The following RGS7 variants were observed in gnomAD, a reference collection of about 807,000 sequenced individuals.
RGS7 encodes the protein regulator of G-protein signaling 7.
In RGS7, 27 loss-of-function variants were observed where a neutral mutation model predicts 81.1. That is an observed-to-expected ratio of 0.33 (90% CI 0.25 to 0.46). The LOEUF (loss-of-function observed/expected upper bound fraction) is 0.46, where lower values mean the gene tolerates loss of function less well. Ranked by LOEUF, RGS7 falls within the 20% of genes least tolerant of loss-of-function variation. The pLI is 1.00. For missense variants in RGS7, 396 were observed against 607.4 expected (o/e 0.65, Z 3.66); for synonymous variants, 208 against 207.7 (o/e 1.00, Z -0.01).
intron 2 of RGS7, among the ~76,000 whole-genome samples, chr1:241,280,031 C>T (rs1238366537): frequency 6.6e-5 from 10 of 152,232 alleles, no homozygotes; most frequent in African/African-American, 1.2e-4. Context: ...AGAATTTACA[C>T]GGTGAAGTTC....
intron 2 of RGS7, among the ~76,000 whole-genome samples, chr1:241,293,191 T>C (rs959730903): frequency 3.9e-5 from 6 of 152,208 alleles, no homozygotes; most frequent in African/African-American, 1.2e-4. Context: ...CATAAAGTTG[T>C]AGCACAATGC....
At position 241,184,086 on chromosome 1, in the gene RGS7, G is replaced by A. The variant is rs529467922; in HGVS notation, c.79-85324C>T. ...CAACTTTGCACCCATCAACAACAGA[G>A]AAAGGAAGCTTATACCAGGAAAAGT... On this transcript the variant is annotated intron_variant, in intron 2 of 18. Coordinates refer to ENST00000440928, the MANE Select transcript of RGS7 (RefSeq NM_001364886.1). 7.0e-4 allele frequency among the ~76,000 whole-genome samples: 106 copies of A among 152,286 alleles called. 3 individuals are homozygous for A. In the South Asian group the frequency reaches 0.022, roughly 31 times the overall value.
At chr1:241,121,710 CTTTTTTTTTTTTTTT>C (rs10681773) in intron 2 of RGS7, among the ~76,000 whole-genome samples, 1 of 66,404 alleles carries the variant, frequency 1.5e-5, no homozygotes, top group East Asian at 5.5e-4. Context: ...TGCAATTGTT[CTTTTTTTTTTTTTTT>C]TTTTTTTTTT....
chr1:241,118,090 T>G (rs1468696303), intron 2 of RGS7, among the ~76,000 whole-genome samples: 2 of 152,256 alleles, frequency 1.3e-5, no homozygotes, highest in Non-Finnish European at 2.9e-5. Flanking sequence ...TGAAGCCTAC[T>G]ATTTTTATTC....
At chr1:240,943,822 G>C (rs887670684) in intron 4 of RGS7, among the ~76,000 whole-genome samples, 1 of 152,140 alleles carries the variant, frequency 6.6e-6, no homozygotes, top group Non-Finnish European at 1.5e-5. Flanking sequence ...GCCTGCTTTA[G>C]AGGAGGACTG....
At chr1:241,053,559 T>C (rs2061349469) in intron 3 of RGS7, among the ~76,000 whole-genome samples, 1 of 152,232 alleles carries the variant, frequency 6.6e-6, no homozygotes, top group Non-Finnish European at 1.5e-5. Flanking sequence ...AGATGGCAAA[T>C]ATATTTAAAT....
At chr1:240,975,911 G>A (rs542817593) in intron 4 of RGS7, among the ~76,000 whole-genome samples, 1 of 134,112 alleles carries the variant, frequency 7.5e-6, no homozygotes, top group South Asian at 2.4e-4. Context: ...TCCTGCGTCT[G>A]TGCATTGTAT....
At chr1:240,943,885 C>A (rs1474478023) in intron 4 of RGS7, among the ~76,000 whole-genome samples, 1 of 151,974 alleles carries the variant, frequency 6.6e-6, no homozygotes, top group Non-Finnish European at 1.5e-5. Flanking sequence ...ACAGAGAGAG[C>A]ACGGGGACAG....
At chr1:241,260,804 G>C (rs936136392) in intron 2 of RGS7, among the ~76,000 whole-genome samples, 15 of 151,728 alleles carry the variant, frequency 9.9e-5, no homozygotes, top group Admixed American at 9.9e-4. Flanking sequence ...GCTAAATCCT[G>C]GGAAGGTGCT....
rs2075048457 is a variant in RGS7 at position 241,222,034 on chromosome 1, G to A, written c.79-123272C>T. ...GACTAATACAATGAATTTCTAGGAAGAACTCTTAAGAATGAAGAAAGAATT... is the reference window on the plus strand; with the variant it reads ...GACTAATACAATGAATTTCTAGGAAAAACTCTTAAGAATGAAGAAAGAATT... On this transcript the variant is annotated intron_variant, in intron 2 of 18. Transcript: ENST00000440928. Among the ~76,000 whole-genome samples, 6 of 152,268 alleles carry A rather than the reference G, an allele frequency of 3.9e-5. 1 individual carries two copies. The South Asian group carries it at 1.2e-3, about 32-fold the overall frequency.
intron 3 of RGS7, among the ~76,000 whole-genome samples, chr1:240,999,310 AC>A (rs1207485652): frequency 6.6e-6 from 1 of 151,974 alleles, no homozygotes; most frequent in Non-Finnish European, 1.5e-5. Flanking sequence ...CCCTGGCCAC[AC>A]TGGAAGAAGA....
intron 3 of RGS7, among the ~76,000 whole-genome samples, chr1:241,052,005 T>C (rs1435874508): frequency 6.6e-6 from 1 of 152,174 alleles, no homozygotes; most frequent in Non-Finnish European, 1.5e-5. Flanking sequence ...CCACCATGAC[T>C]GTATCTAGGA....
chr1:240,937,412 T>G (rs999765329), intron 4 of RGS7, among the ~76,000 whole-genome samples: 10 of 152,192 alleles, frequency 6.6e-5, no homozygotes, highest in African/African-American at 2.2e-4. Flanking sequence ...GGCTTTGTGC[T>G]TTTTCTTCTT....
At chr1:240,988,185 C>G (rs1685953277) in intron 3 of RGS7, among the ~76,000 whole-genome samples, 1 of 150,704 alleles carries the variant, frequency 6.6e-6, no homozygotes. Flanking sequence ...CTACTCTATA[C>G]AGAAAAGACT....
chr1:241,008,371 A>G (rs767238953), intron 3 of RGS7, among the ~76,000 whole-genome samples: 18 of 152,136 alleles, frequency 1.2e-4, no homozygotes, highest in Non-Finnish European at 2.4e-4. Context: ...CGTATAAATC[A>G]CGTTGTTAAA....
intron 2 of RGS7, among the ~76,000 whole-genome samples, chr1:241,302,130 C>A (rs2079798132): frequency 6.6e-6 from 1 of 152,162 alleles, no homozygotes; most frequent in Non-Finnish European, 1.5e-5. Flanking sequence ...GGAAAGTATT[C>A]TGAGCAGAGA....
chr1:240,868,082 GAAAA>G lies in RGS7; in HGVS notation c.609+501_609+504del, dbSNP rs1359456261. On this transcript the variant is annotated intron_variant, in intron 9 of 18. Transcript: ENST00000440928. The surrounding 1 kb of genome is among the most constrained non-coding windows in gnomAD (Gnocchi z 5.1). ...AAGAAAAGAAGAGAAAAGAAAGAAA[GAAAA>G]AGAAAGAAAAGAAAAAGAAAGAAAA... Among the ~76,000 whole-genome samples, 1 of 126,034 alleles carries G rather than the reference GAAAA, an allele frequency of 7.9e-6. No individual in the cohort carries two copies. Among genetic ancestry groups the G allele is most frequent in the Non-Finnish European group, 1.7e-5 (1 of 58,382 alleles). The allele number at this position is 126,034 out of a possible 152,430, so 82.7% of individuals were successfully genotyped here.
chr1:241,143,307 A>G (rs2068065209), intron 2 of RGS7, among the ~76,000 whole-genome samples: 1 of 152,088 alleles, frequency 6.6e-6, no homozygotes, highest in South Asian at 2.1e-4. Flanking sequence ...TGGTCAATTT[A>G]CTGTATTAGT....
intron 2 of RGS7, among the ~76,000 whole-genome samples, chr1:241,272,490 C>G (rs1221580999): frequency 6.6e-6 from 1 of 152,142 alleles, no homozygotes; most frequent in East Asian, 1.9e-4. Flanking sequence ...TTTGTCATGG[C>G]TTTTGATTTC....
Sources: gnomAD v4.1 joint callset for allele counts (sites outside exome capture counted in the v4.1 genomes callset) on GRCh38, gnomAD v4.1.1 for gene constraint, Gnocchi (gnomAD v3.1) non-coding constraint, MANE v1.5 for transcripts, NCBI Gene and HGNC (gene_info 2026-07-23, HGNC 2026-07-21) for gene names.